The following KCNQ3 variants were observed in gnomAD, a reference collection of about 807,000 sequenced individuals.
KCNQ3 encodes potassium voltage-gated channel subfamily KQT member 3.
KCNQ3 carries 30 observed loss-of-function variants against 92.5 expected under a neutral mutation model. The observed-to-expected ratio is 0.32, with a 90% CI of 0.24 to 0.44. KCNQ3 has a LOEUF of 0.44. KCNQ3 is among the 20% of genes least tolerant of loss of function. KCNQ3 has a pLI of 1.00. For synonymous variants in KCNQ3, 450 were observed against 468.8 expected (o/e 0.96, Z 0.52); for missense variants, 913 against 1,140.3 (o/e 0.80, Z 2.87).
intron 1 of KCNQ3, among the ~76,000 whole-genome samples, chr8:132,417,808 C>T (rs1046069626): frequency 6.6e-6 from 1 of 152,186 alleles, no homozygotes; most frequent in African/African-American, 2.4e-5. Flanking sequence ...ATATGCCAAG[C>T]CAGTCATTCA....
At chr8:132,370,179 C>T (rs1367174662) in intron 1 of KCNQ3, among the ~76,000 whole-genome samples, 1 of 152,168 alleles carries the variant, frequency 6.6e-6, no homozygotes, top group African/African-American at 2.4e-5. Context: ...AATGACCACA[C>T]ACAGGAAGCA....
chr8:132,432,226 C>A (rs928980043), intron 1 of KCNQ3, among the ~76,000 whole-genome samples: 1 of 152,046 alleles, frequency 6.6e-6, no homozygotes, highest in African/African-American at 2.4e-5. Context: ...GCCCTCAGTG[C>A]ACGTTTGCAG....
At chr8:132,343,254 G>A (rs1032987252) in intron 1 of KCNQ3, among the ~76,000 whole-genome samples, 5 of 152,168 alleles carry the variant, frequency 3.3e-5, no homozygotes, top group Non-Finnish European at 5.9e-5. Flanking sequence ...CAGTTTTATT[G>A]AGAGTACACT....
chr8:132,457,367 C>T (rs964078594), intron 1 of KCNQ3, among the ~76,000 whole-genome samples: 5 of 152,126 alleles, frequency 3.3e-5, no homozygotes, highest in African/African-American at 1.2e-4. Context: ...AACACAGTAA[C>T]TCCTCGGTTA....
intron 1 of KCNQ3, among the ~76,000 whole-genome samples, chr8:132,327,457 T>C (rs2076873218): frequency 6.6e-6 from 1 of 152,136 alleles, no homozygotes; most frequent in Non-Finnish European, 1.5e-5. Flanking sequence ...CCCAGATCTG[T>C]AGGTATCAGA....
intron 5 of KCNQ3, 128 bp from the exon 6 acceptor site, chr8:132,174,477 T>G (rs1826481813): frequency 1.3e-6 from 1 of 764,134 alleles, no homozygotes; most frequent in Non-Finnish European, 2.3e-6. Context: ...AAGGTTCCCT[T>G]AGGAGAAAAG....
chr8:132,212,714 C>A (rs916078613), intron 1 of KCNQ3, among the ~76,000 whole-genome samples: 2 of 152,312 alleles, frequency 1.3e-5, no homozygotes, highest in South Asian at 4.1e-4. Flanking sequence ...CATTCAGCTG[C>A]CGACTATGTG....
chr8:132,184,498 C>T, intron 2 of KCNQ3, 131 bp from the exon 3 acceptor site: 3 of 646,834 alleles, frequency 4.6e-6, no homozygotes, highest in East Asian at 4.9e-5. Context: ...GCAGGGATGG[C>T]TGGGGATGGG....
At chr8:132,134,505 G>A in intron 12 of KCNQ3, 117 bp from the exon 13 acceptor site, 1 of 745,796 alleles carries the variant, frequency 1.3e-6, no homozygotes, top group Admixed American at 2.0e-5. Context: ...AAGAGGAGAG[G>A]AGAGGAGAGG....
intron 1 of KCNQ3, among the ~76,000 whole-genome samples, chr8:132,448,676 GTTTCTATC>G (rs1464142032): frequency 1.3e-5 from 2 of 152,084 alleles, no homozygotes; most frequent in African/African-American, 4.8e-5. Context: ...TATTATTTGC[GTTTCTATC>G]TTTCCAACCC....
In KCNQ3 at chr8:132,168,977, C is replaced by T. The variant is rs528526222; in HGVS notation, c.1235+1357G>A. Among the ~76,000 whole-genome samples the T allele has an allele frequency of 3.0e-4, 46 of 152,132 alleles. No homozygotes were observed. The South Asian group carries it at 6.5e-3, about 21-fold the overall frequency. ...CTAGGAGTCCAGCACACTACCCATA[C>T]GCTTAACAATCTGAGCTCAGGCCCC... On this transcript the variant is annotated intron_variant, in intron 8 of 14. Transcript: ENST00000388996.
intron 1 of KCNQ3, among the ~76,000 whole-genome samples, chr8:132,295,270 G>T (rs1269682547): frequency 6.6e-6 from 1 of 151,888 alleles, no homozygotes; most frequent in Non-Finnish European, 1.5e-5. Context: ...ATGTGGCCAA[G>T]AAACATGAAA....
chr8:132,187,855 ATGGTGGTGGTGG>A (rs1362445019), intron 1 of KCNQ3, among the ~76,000 whole-genome samples: 2 of 69,824 alleles, frequency 2.9e-5, no homozygotes, highest in Non-Finnish European at 5.9e-5. Flanking sequence ...GGTGGTAGTG[ATGGTGGTGGTGG>A]TGGTGATAGT....
intron 1 of KCNQ3, among the ~76,000 whole-genome samples, chr8:132,459,096 T>C (rs1300170097): frequency 6.6e-6 from 1 of 152,204 alleles, no homozygotes; most frequent in African/African-American, 2.4e-5. Context: ...AGGTATTTTG[T>C]GGAATGTTCC....
At chr8:132,240,977 C>G (rs1226538839) in intron 1 of KCNQ3, among the ~76,000 whole-genome samples, 1 of 152,002 alleles carries the variant, frequency 6.6e-6, no homozygotes, top group African/African-American at 2.4e-5. Flanking sequence ...CAGCCTCTGC[C>G]TCCCGGGTTC....
chr8:132,135,802 C>G (rs1265540922), intron 12 of KCNQ3, among the ~76,000 whole-genome samples: 1 of 151,962 alleles, frequency 6.6e-6, no homozygotes, highest in Non-Finnish European at 1.5e-5. Flanking sequence ...TGCCACTATA[C>G]TAGGAAGTCA....
At chr8:132,449,574 T>C (rs1236907287) in intron 1 of KCNQ3, among the ~76,000 whole-genome samples, 1 of 152,084 alleles carries the variant, frequency 6.6e-6, no homozygotes, top group Non-Finnish European at 1.5e-5. Flanking sequence ...ACATCTCTGA[T>C]GGTATTCCCT....
chr8:132,220,383 T>C (rs1219127722), intron 1 of KCNQ3, among the ~76,000 whole-genome samples: 2 of 152,218 alleles, frequency 1.3e-5, no homozygotes, highest in Non-Finnish European at 2.9e-5. Context: ...CATGATAAAA[T>C]GAATGCAGAA....
At chr8:132,194,241 C>T (rs1394567189) in intron 1 of KCNQ3, among the ~76,000 whole-genome samples, 1 of 152,196 alleles carries the variant, frequency 6.6e-6, no homozygotes, top group Non-Finnish European at 1.5e-5. Context: ...TAGTTAGCTG[C>T]ACTTGTCCTA....
Sources: gnomAD v4.1 joint callset for allele counts (sites outside exome capture counted in the v4.1 genomes callset) on GRCh38, gnomAD v4.1.1 for gene constraint, MANE v1.5 for transcripts, NCBI Gene and HGNC (gene_info 2026-07-23, HGNC 2026-07-21) for gene names.